Variants in RNMT observed in about 807,000 individuals in gnomAD.
RNMT encodes the protein RNA guanine-7 methyltransferase.
A neutral mutation model predicts 56.0 loss-of-function variants in RNMT; 27 were observed. That is an observed-to-expected ratio of 0.48 (90% CI 0.36 to 0.67). The LOEUF is 0.67. RNMT is among the 30% of genes least tolerant of loss of function. RNMT has a pLI of 0.00. For missense variants in RNMT, 519 were observed against 552.1 expected (o/e 0.94, Z 0.60); for synonymous variants, 184 against 176.2 (o/e 1.04, Z -0.35).
At chr18:13,736,564 A>G (rs2044160900) in intron 4 of RNMT, among the ~76,000 whole-genome samples, 1 of 148,916 alleles carries the variant, frequency 6.7e-6, no homozygotes, top group South Asian at 2.1e-4. Flanking sequence ...AGGCTCTTTT[A>G]TCATTCCATA....
chr18:13,738,812 C>T (rs2044207190), intron 5 of RNMT, among the ~76,000 whole-genome samples: 1 of 152,226 alleles, frequency 6.6e-6, no homozygotes, highest in South Asian at 2.1e-4. Flanking sequence ...TACACTGTCC[C>T]TTGTCTCCCT....
intron 5 of RNMT, 52 bp from the exon 6 acceptor site, chr18:13,740,115 A>AGAT: frequency 4.7e-6 from 5 of 1,067,216 alleles, no homozygotes; most frequent in Non-Finnish European, 7.2e-6. Context: ...ATCAATGTCT[A>AGAT]GATTTCTGGC....
intron 9 of RNMT, among the ~76,000 whole-genome samples, chr18:13,751,085 CAAT>C (rs2044436070): frequency 6.6e-6 from 1 of 152,138 alleles, no homozygotes; most frequent in Non-Finnish European, 1.5e-5. Context: ...ACACCAAAAG[CAAT>C]TGCAACAAAA....
intron 5 of RNMT, among the ~76,000 whole-genome samples, chr18:13,739,481 T>A (rs191533449): frequency 6.6e-6 from 1 of 152,260 alleles, no homozygotes; most frequent in East Asian, 1.9e-4. Context: ...GTGTGAATCT[T>A]TAAACAGGGA....
intron 7 of RNMT, 63 bp downstream of exon 7, chr18:13,741,754 C>A: frequency 9.5e-7 from 1 of 1,047,128 alleles, no homozygotes; most frequent in South Asian, 1.9e-5. Context: ...AAATGTTTAT[C>A]AGAGGTAGAT....
intron 1 of RNMT, among the ~76,000 whole-genome samples, chr18:13,727,687 G>C (rs2043984472): frequency 6.6e-6 from 1 of 152,164 alleles, no homozygotes; most frequent in Non-Finnish European, 1.5e-5. Flanking sequence ...TCAGGCACTA[G>C]ATTTTATTTC....
chr18:13,742,880 A>G (rs1373689235), intron 8 of RNMT: 1 of 299,162 alleles, frequency 3.3e-6, no homozygotes, highest in Non-Finnish European at 6.0e-6. Flanking sequence ...GTTTTCTCTC[A>G]TTCCTGGAAT....
chr18:13,757,904 C>T (rs558440066), intron 11 of RNMT, among the ~76,000 whole-genome samples: 5 of 152,102 alleles, frequency 3.3e-5, no homozygotes, highest in South Asian at 4.2e-4. Context: ...TGAAAAGTAC[C>T]CCTTGATCAA....
chr18:13,741,349 T>C (rs182006486), intron 6 of RNMT, among the ~76,000 whole-genome samples, 161 bp from the exon 7 acceptor site: 22 of 152,340 alleles, frequency 1.4e-4, no homozygotes, highest in African/African-American at 5.0e-4. Flanking sequence ...ATTATTCTGT[T>C]AAACTAGAAT....
In RNMT at chr18:13,760,149, A is replaced by G; in HGVS notation, c.*170A>G. ...AACATTTGCTGTCTGTGACAGATGA[A>G]CTTTTGCATGTGTATATAAGAATGA... On this transcript the variant is annotated 3_prime_UTR_variant, in exon 12 of 12. Coordinates refer to ENST00000383314, the MANE Select transcript of RNMT (RefSeq NM_003799.3). The G allele has an allele frequency of 3.7e-6, 5 of 1,343,548 alleles. No individual in the cohort carries two copies. Among genetic ancestry groups the G allele is most frequent in the Non-Finnish European group, 4.8e-6 (5 of 1,047,756 alleles). The allele number at this position is 1,343,548 out of a possible 1,614,324, so 83.2% of individuals were successfully genotyped here.
rs1180035020 is a variant in RNMT at position 13,763,941 on chromosome 18, G to A, written c.*3962G>A. On this transcript the variant is annotated 3_prime_UTR_variant, in exon 12 of 12. Coordinates refer to ENST00000383314, the MANE Select transcript of RNMT (RefSeq NM_003799.3). ...GTAAGGGGCTTTGTTGAAAGAGGGG[G>A]TTAGAGAGAGCAAGACAGCACTTGA... 1 of 152,302 alleles carries A rather than the reference G, an allele frequency of 6.6e-6. No homozygotes were observed. Among genetic ancestry groups the A allele is most frequent in the African/African-American group, 2.4e-5 (1 of 41,466 alleles). The allele number at this position is 152,302 out of a possible 1,614,324, so 9.4% of individuals were successfully genotyped here.
At chr18:13,757,488 A>G (rs919971730) in intron 11 of RNMT, among the ~76,000 whole-genome samples, 3 of 152,188 alleles carry the variant, frequency 2.0e-5, no homozygotes, top group Non-Finnish European at 2.9e-5. Context: ...AATGTTCCCA[A>G]TGTGTTTACC....
intron 3 of RNMT, among the ~76,000 whole-genome samples, chr18:13,733,428 A>C (rs1421697428): frequency 1.3e-5 from 2 of 152,006 alleles, no homozygotes; most frequent in African/African-American, 4.8e-5. Context: ...CCCATGCTGG[A>C]GTGCGGTGGC....
chr18:13,740,056 T>TTTC, intron 5 of RNMT, 111 bp from the exon 6 acceptor site: 1 of 681,242 alleles, frequency 1.5e-6, no homozygotes, highest in Non-Finnish European at 2.6e-6. Flanking sequence ...AAATAAAACC[T>TTTC]TTTCACTGGT....
At position 13,760,555 on chromosome 18, in the gene RNMT, A is replaced by G; in HGVS notation, c.*576A>G. 5.1e-6 allele frequency: 5 copies of G among 985,782 alleles called. No individual in the cohort carries two copies. Among genetic ancestry groups the G allele is most frequent in the African/African-American group, 3.5e-5 (2 of 57,372 alleles). 61.1% of individuals were successfully genotyped at this position (985,782 alleles called of 1,614,324 possible). A position where few individuals can be genotyped will look rare whatever the true frequency, so the allele number is the denominator to read the frequency against. ...TTATTGCATTTTGAAATAATCATTA[A>G]CATGCTGCAATTCAGGAGCTGGTTA... On this transcript the variant is annotated 3_prime_UTR_variant, in exon 12 of 12. Transcript: ENST00000383314.
At chr18:13,737,979 G>C (rs960477844) in intron 5 of RNMT, among the ~76,000 whole-genome samples, 19 of 151,342 alleles carry the variant, frequency 1.3e-4, no homozygotes, top group African/African-American at 4.6e-4. Context: ...AAGCCATTAA[G>C]GGAAAAGTCG....
At chr18:13,736,071 A>G (rs1345424638) in intron 4 of RNMT, among the ~76,000 whole-genome samples, 1 of 152,210 alleles carries the variant, frequency 6.6e-6, no homozygotes, top group Non-Finnish European at 1.5e-5. Flanking sequence ...GTCTTACTGT[A>G]TATAAATGCA....
intron 11 of RNMT, among the ~76,000 whole-genome samples, chr18:13,754,403 A>T (rs1158059872): frequency 1.3e-5 from 2 of 152,286 alleles, no homozygotes; most frequent in Non-Finnish European, 2.9e-5. Flanking sequence ...GCTACTCAGG[A>T]GGCTGAGGTG....
intron 11 of RNMT, among the ~76,000 whole-genome samples, chr18:13,755,591 GAGGAA>G (rs898495812): frequency 6.6e-6 from 1 of 152,200 alleles, no homozygotes; most frequent in Non-Finnish European, 1.5e-5. Flanking sequence ...TAGAGAAGAA[GAGGAA>G]AGGAGTCAAG....
Sources: gnomAD v4.1 joint callset for allele counts (sites outside exome capture counted in the v4.1 genomes callset) on GRCh38, gnomAD v4.1.1 for gene constraint, MANE v1.5 for transcripts, NCBI Gene and HGNC (gene_info 2026-07-23, HGNC 2026-07-21) for gene names.